PPM1H: variants seen among roughly 807,000 people sequenced by gnomAD.
PPM1H encodes protein phosphatase 1H.
Under a neutral mutation model 54.9 loss-of-function variants are expected in PPM1H, and 27 were observed. That is an observed-to-expected ratio of 0.49 (90% CI 0.36 to 0.68). The LOEUF (loss-of-function observed/expected upper bound fraction) is 0.68, where lower values mean the gene tolerates loss of function less well. Ranked by LOEUF, PPM1H falls within the 30% of genes least tolerant of loss-of-function variation. The pLI, the probability that PPM1H is intolerant of heterozygous loss-of-function variation, is 0.00. For synonymous variants in PPM1H, 305 were observed against 270.8 expected (o/e 1.13, Z -1.24); for missense variants, 596 against 667.8 (o/e 0.89, Z 1.19).
At chr12:62,724,333 A>G (rs964929636) in intron 5 of PPM1H, among the ~76,000 whole-genome samples, 3 of 152,186 alleles carry the variant, frequency 2.0e-5, no homozygotes, top group Non-Finnish European at 2.9e-5. Context: ...CATAAGGGTA[A>G]GTGTGGAGAT....
chr12:62,917,867 C>T (rs1871672497), intron 1 of PPM1H, among the ~76,000 whole-genome samples: 1 of 152,004 alleles, frequency 6.6e-6, no homozygotes, highest in African/African-American at 2.4e-5. Context: ...CTTGGTTTTT[C>T]GTGCTGTTAG....
chr12:62,850,572 T>C (rs1441503042), intron 1 of PPM1H, among the ~76,000 whole-genome samples: 1 of 150,640 alleles, frequency 6.6e-6, no homozygotes, highest in African/African-American at 2.4e-5. Flanking sequence ...AATCCCAAAA[T>C]GTCCTTGGCA....
intron 3 of PPM1H, among the ~76,000 whole-genome samples, chr12:62,796,097 A>T (rs1318081345): frequency 2.0e-5 from 3 of 152,170 alleles, no homozygotes; most frequent in Non-Finnish European, 4.4e-5. Flanking sequence ...TAAGCTCAAT[A>T]AATACTAGTG....
chr12:62,900,323 G>C (rs1271255068), intron 1 of PPM1H, among the ~76,000 whole-genome samples: 1 of 151,628 alleles, frequency 6.6e-6, no homozygotes, highest in Non-Finnish European at 1.5e-5. Context: ...CTTCATCCAT[G>C]TCCCTACAAA....
chr12:62,767,368 A>G (rs773940817), intron 4 of PPM1H, among the ~76,000 whole-genome samples: 7 of 152,298 alleles, frequency 4.6e-5, no homozygotes, highest in Non-Finnish European at 8.8e-5. Flanking sequence ...GAGGCCGAGC[A>G]GAGAGATTGT....
Position 62,705,914 on chromosome 12 carries a change from T to G in PPM1H, c.1074-11915A>C, listed in dbSNP as rs185004602. Among the ~76,000 whole-genome samples, 7 of 152,298 alleles carry G rather than the reference T, an allele frequency of 4.6e-5. No homozygotes were observed. The East Asian group carries it at 1.3e-3, about 29-fold the overall frequency. On this transcript the variant is annotated intron_variant, in intron 6 of 9. Transcript: ENST00000228705. ...TGGTGGGGTGAAAATAGCAAACAGA[T>G]TATTAATTACAAAGAGGGTTTCTGC...
At chr12:62,653,981 C>T (rs2075829742) in intron 9 of PPM1H, among the ~76,000 whole-genome samples, 2 of 152,038 alleles carry the variant, frequency 1.3e-5, no homozygotes, top group South Asian at 2.1e-4. Flanking sequence ...GTGGCTTACG[C>T]TTGTAATCCT....
At chr12:62,838,053 C>T (rs892104255) in intron 1 of PPM1H, among the ~76,000 whole-genome samples, 2 of 152,188 alleles carry the variant, frequency 1.3e-5, no homozygotes, top group East Asian at 3.8e-4. Context: ...CCACCCACAT[C>T]GGCTCTGGGC....
At chr12:62,830,906 T>G (rs1868347645) in intron 2 of PPM1H, among the ~76,000 whole-genome samples, 1 of 152,108 alleles carries the variant, frequency 6.6e-6, no homozygotes, top group Non-Finnish European at 1.5e-5. Flanking sequence ...CAGGCTGGAG[T>G]GCAGTGGCGT....
Position 62,648,556 on chromosome 12 carries a change from C to T in PPM1H, c.1478G>A (p.Arg493Gln), listed in dbSNP as rs754740224. ...KDRGWRISND[R>Q]LGSGDDISVY... ...AGAAATGTCGTCTCCTGAGCCCAGT[C>T]GGTCATTAGATATCCGCCATCCTCT... Residue 493 changes from arginine to glutamine, a missense_variant, in exon 10 of 10, where the codon CGA becomes CAA. This residue lies in a region of PPM1H where 208 missense variants were observed against 259.5 expected (regional missense o/e 0.80). Coordinates refer to ENST00000228705, the MANE Select transcript of PPM1H (RefSeq NM_020700.2). 11 of 1,613,840 alleles carry T rather than the reference C, an allele frequency of 6.8e-6. No homozygotes were observed. Among genetic ancestry groups the T allele is most frequent in the East Asian group, 4.5e-5 (2 of 44,902 alleles).
intron 3 of PPM1H, among the ~76,000 whole-genome samples, chr12:62,801,379 G>A (rs1355351089): frequency 1.3e-5 from 2 of 151,734 alleles, no homozygotes; most frequent in African/African-American, 2.4e-5. Flanking sequence ...GCACAGTGGC[G>A]CAATCTTGGC....
intron 9 of PPM1H, chr12:62,658,898 C>G (rs1162593119): frequency 3.1e-6 from 2 of 655,474 alleles, no homozygotes; most frequent in Non-Finnish European, 5.7e-6. Context: ...CCAGTCTGAC[C>G]AATATGTCAA....
intron 3 of PPM1H, among the ~76,000 whole-genome samples, chr12:62,791,319 A>G (rs207473009): frequency 1.3e-5 from 2 of 152,162 alleles, no homozygotes; most frequent in African/African-American, 4.8e-5. Flanking sequence ...GAATTATCTC[A>G]AGCAAATAGA....
chr12:62,787,491 C>T (rs2076679829), intron 4 of PPM1H, among the ~76,000 whole-genome samples: 2 of 152,068 alleles, frequency 1.3e-5, no homozygotes, highest in Admixed American at 1.3e-4. Context: ...TTTAAAAATT[C>T]CCCACACCAA....
intron 9 of PPM1H, chr12:62,659,158 G>A: frequency 1.4e-6 from 1 of 711,788 alleles, no homozygotes; most frequent in Non-Finnish European, 2.6e-6. Flanking sequence ...GTTGTGGAAA[G>A]AGCTGCCCAG....
At chr12:62,854,274 G>A (rs530720368) in intron 1 of PPM1H, among the ~76,000 whole-genome samples, 26 of 152,238 alleles carry the variant, frequency 1.7e-4, no homozygotes, top group African/African-American at 6.3e-4. Flanking sequence ...CGCAATGGAT[G>A]GCCACCCCAC....
chr12:62,884,575 A>AT (rs1870518767), intron 1 of PPM1H, among the ~76,000 whole-genome samples: 1 of 152,038 alleles, frequency 6.6e-6, no homozygotes, highest in Non-Finnish European at 1.5e-5. Flanking sequence ...TTTCACCTTG[A>AT]TTTATTAAAA....
chr12:62,825,443 T>C (rs61921199), intron 2 of PPM1H, among the ~76,000 whole-genome samples: 8,119 of 152,328 alleles, frequency 0.053, 248 homozygotes, highest in Middle Eastern at 0.085. Flanking sequence ...CGTATGTTTA[T>C]TGCAGCACTA....
At chr12:62,650,379 A>C (rs1303945112) in intron 9 of PPM1H, among the ~76,000 whole-genome samples, 2 of 152,180 alleles carry the variant, frequency 1.3e-5, no homozygotes, top group Non-Finnish European at 2.9e-5. Context: ...TTGAGGCAGA[A>C]ATCTTTAAGT....
Sources: allele counts gnomAD v4.1 joint callset (sites outside exome capture counted in the v4.1 genomes callset), GRCh38; gene constraint gnomAD v4.1.1; regional missense constraint gnomAD v4.1.1; transcripts MANE v1.5; gene names NCBI Gene and HGNC (gene_info 2026-07-23, HGNC 2026-07-21).